The following ADCK1 variants were observed in gnomAD, a reference collection of about 807,000 sequenced individuals.
ADCK1 encodes aarF domain-containing protein kinase 1.
A neutral mutation model predicts 52.3 loss-of-function variants in ADCK1; 41 were observed. That is an observed-to-expected ratio of 0.78 (90% CI 0.61 to 1.02). The LOEUF is 1.02. ADCK1 is among the 50% of genes least tolerant of loss of function. The pLI is 0.00. For synonymous variants in ADCK1, 250 were observed against 274.6 expected (o/e 0.91, Z 0.89); for missense variants, 658 against 679.5 (o/e 0.97, Z 0.35).
At chr14:77,807,927 GCCA>G (rs2081264912) in intron 1 of ADCK1, among the ~76,000 whole-genome samples, 1 of 152,176 alleles carries the variant, frequency 6.6e-6, no homozygotes, top group South Asian at 2.1e-4. Context: ...ACAGGCATGA[GCCA>G]CCACTCCTGG....
intron 3 of ADCK1, among the ~76,000 whole-genome samples, chr14:77,831,132 C>A (rs1278870249): frequency 6.6e-6 from 1 of 152,178 alleles, no homozygotes; most frequent in Non-Finnish European, 1.5e-5. Context: ...GCTGGACAAG[C>A]CTCTCAGTTG....
chr14:77,814,081 T>A (rs10137794), intron 1 of ADCK1, among the ~76,000 whole-genome samples: 14,316 of 150,814 alleles, frequency 0.095, 1,228 homozygotes, highest in African/African-American at 0.22. Flanking sequence ...TTTTTTTTTT[T>A]AAATTTTATT....
intron 3 of ADCK1, chr14:77,827,996 T>C (rs1244558609): frequency 3.5e-6 from 1 of 282,680 alleles, no homozygotes; most frequent in Non-Finnish European, 6.9e-6. Context: ...GCCCGGATAA[T>C]TTTTTGTGTT....
At chr14:77,931,900 C>T (rs932852830) in intron 10 of ADCK1, among the ~76,000 whole-genome samples, 189 bp downstream of exon 10, 2 of 152,192 alleles carry the variant, frequency 1.3e-5, no homozygotes, top group Non-Finnish European at 2.9e-5. Context: ...CTAAGTATCC[C>T]AAGTTTGAAG....
At position 77,933,254 on chromosome 14, in the gene ADCK1, A is replaced by G; in HGVS notation, c.1435A>G (p.Arg479Gly). Reference protein sequence around the residue: ...KKKNTCSFFRRTQISFSEAFN... With the variant: ...KKKNTCSFFRGTQISFSEAFN... Reference sequence around the variant, plus strand: ...GAAGAATACCTGTTCATTCTTCAGAAGGACCCAGATCTCTTTCAGCGAGGC... The same window carrying G: ...GAAGAATACCTGTTCATTCTTCAGAGGGACCCAGATCTCTTTCAGCGAGGC... The change falls in exon 11 of 11, where the codon AGG (arginine) becomes GGG (glycine). Residue 479 changes from arginine (R) to glycine (G), a missense_variant. Transcript: ENST00000238561. 2 of 1,614,120 alleles carry G rather than the reference A, an allele frequency of 1.2e-6. No homozygotes were observed. The highest frequency in any genetic ancestry group is 1.7e-6 in the Non-Finnish European group (2 of 1,180,006).
At chr14:77,897,535 T>TA (rs2083438193) in intron 5 of ADCK1, among the ~76,000 whole-genome samples, 1 of 152,176 alleles carries the variant, frequency 6.6e-6, no homozygotes, top group African/African-American at 2.4e-5. Context: ...GAATGCCAGA[T>TA]ACATCTTCTA....
Position 77,899,263 on chromosome 14 carries a change from G to A in ADCK1, c.741+5G>A. ...AGGCATTTTGACTTCTTGAAGGTAG[G>A]TGGGACGATGCAATGCAGGGTATGG... On this transcript the variant is annotated splice_donor_5th_base_variant and intron_variant, in intron 6 of 10. Transcript: ENST00000238561. The A allele has an allele frequency of 1.9e-6, 3 of 1,614,044 alleles. No homozygotes were observed. Among genetic ancestry groups the A allele is most frequent in the Non-Finnish European group, 2.5e-6 (3 of 1,179,928 alleles).
At chr14:77,835,244 C>T (rs761302582) in intron 3 of ADCK1, among the ~76,000 whole-genome samples, 7 of 151,984 alleles carry the variant, frequency 4.6e-5, no homozygotes, top group Non-Finnish European at 1.0e-4. Context: ...TTAAAAAATG[C>T]GAAATATTTA....
chr14:77,922,845 A>G (rs1210599012), intron 7 of ADCK1, among the ~76,000 whole-genome samples: 1 of 152,186 alleles, frequency 6.6e-6, no homozygotes, highest in Non-Finnish European at 1.5e-5. Flanking sequence ...GTCATTCTTG[A>G]TGATTTAATT....
chr14:77,855,631 A>C (rs945187601), intron 3 of ADCK1, among the ~76,000 whole-genome samples: 2 of 152,204 alleles, frequency 1.3e-5, no homozygotes, highest in Non-Finnish European at 2.9e-5. Context: ...TCTAGAAAAG[A>C]GACCTTGCGG....
At chr14:77,863,384 G>A (rs2082592876) in intron 4 of ADCK1, among the ~76,000 whole-genome samples, 1 of 152,068 alleles carries the variant, frequency 6.6e-6, no homozygotes, top group Non-Finnish European at 1.5e-5. Flanking sequence ...TGGGGATAGA[G>A]TTATCGTGGA....
chr14:77,809,020 G>T (rs930165161), intron 1 of ADCK1, among the ~76,000 whole-genome samples: 12 of 152,172 alleles, frequency 7.9e-5, no homozygotes, highest in African/African-American at 2.9e-4. Context: ...CTGAGTGATT[G>T]GCTCACAAGA....
intron 4 of ADCK1, among the ~76,000 whole-genome samples, chr14:77,877,986 GCT>G (rs10577131): frequency 0.38 from 57,806 of 151,986 alleles, 11,746 homozygotes; most frequent in Admixed American, 0.51. Context: ...TCTCAGAGAA[GCT>G]CTCTCTGCTC....
chr14:77,805,051 A>G lies in ADCK1; in HGVS notation c.-12+4881A>G, dbSNP rs1488708572. 2.0e-5 allele frequency among the ~76,000 whole-genome samples: 3 copies of G among 151,836 alleles called. No individual in the cohort carries two copies. The East Asian group carries it at 6.0e-4, about 30-fold the overall frequency. On this transcript the variant is annotated intron_variant, in intron 1 of 10. Transcript: ENST00000238561. ...GAGAAACCCTGTCTCTACTAAAAATACAAAATTAGCCGGACGTGGTGGCGC... is the reference window on the plus strand; with the variant it reads ...GAGAAACCCTGTCTCTACTAAAAATGCAAAATTAGCCGGACGTGGTGGCGC...
At chr14:77,879,120 G>A (rs1444725532) in intron 4 of ADCK1, among the ~76,000 whole-genome samples, 1 of 152,130 alleles carries the variant, frequency 6.6e-6, no homozygotes, top group African/African-American at 2.4e-5. Flanking sequence ...ACTTCTGGGA[G>A]GTGTTTCAGC....
At chr14:77,801,662 G>A (rs1329763704) in intron 1 of ADCK1, among the ~76,000 whole-genome samples, 3 of 152,124 alleles carry the variant, frequency 2.0e-5, no homozygotes, top group East Asian at 1.9e-4. Flanking sequence ...AGTTGGGGCC[G>A]GGTGCGGTGG....
intron 1 of ADCK1, among the ~76,000 whole-genome samples, chr14:77,805,579 G>A (rs2139989998): frequency 6.6e-6 from 1 of 152,150 alleles, no homozygotes; most frequent in South Asian, 2.1e-4. Flanking sequence ...ACTCTTATAT[G>A]GCTCTTTATA....
rs895920350 is a variant in ADCK1, at chr14:77,907,786, G to A, written c.742-17G>A. On this transcript the variant is annotated splice_polypyrimidine_tract_variant and intron_variant, in intron 6 of 10. Transcript: ENST00000238561. Reference sequence around the variant, plus strand: ...CCAGCTTCCCCAGACCATCTGACCTGTCCCTTCCTATCCCAGGTCCCCCGA... The same window carrying A: ...CCAGCTTCCCCAGACCATCTGACCTATCCCTTCCTATCCCAGGTCCCCCGA... 6.2e-7 allele frequency: 1 copy of A among 1,602,148 alleles called. No homozygotes were observed. The highest frequency in any genetic ancestry group is 1.7e-5 in the Admixed American group (1 of 59,632).
intron 6 of ADCK1, among the ~76,000 whole-genome samples, chr14:77,901,045 C>CTT (rs34756369): frequency 9.9e-4 from 133 of 134,084 alleles, no homozygotes; most frequent in South Asian, 1.2e-3. Flanking sequence ...AGTTGGTGTT[C>CTT]TTTTTTTTTT....
Sources: gnomAD v4.1 joint callset for allele counts (sites outside exome capture counted in the v4.1 genomes callset) on GRCh38, gnomAD v4.1.1 for gene constraint, MANE v1.5 for transcripts, NCBI Gene and HGNC (gene_info 2026-07-23, HGNC 2026-07-21) for gene names.